ESRP2: variants seen among roughly 807,000 people sequenced by gnomAD.
ESRP2 encodes the protein RNA binding motif protein 35A.
In ESRP2, 48 loss-of-function variants were observed where a neutral mutation model predicts 78.6. The ratio of observed to expected loss-of-function variants is 0.61; its 90% CI spans 0.48 to 0.78. The LOEUF (loss-of-function observed/expected upper bound fraction) is 0.78. ESRP2 is among the 30% of genes least tolerant of loss of function. The probability of loss-of-function intolerance (pLI) is 0.00; values close to 1 mark genes in which losing one functional copy is unlikely to be tolerated. For synonymous variants in ESRP2, 383 were observed against 406.7 expected, an observed-to-expected ratio of 0.94 and a Z score of 0.70; for missense variants, 863 against 965.9, an observed-to-expected ratio of 0.89 and a Z score of 1.41.
In ESRP2 at chr16:68,230,202, G is replaced by A; in HGVS notation, c.*24C>T. On this transcript the variant is annotated 3_prime_UTR_variant, in exon 15 of 15. Coordinates refer to ENST00000473183, the MANE Select transcript of ESRP2 (RefSeq NM_024939.3). ...ACATGTTCGCCGAGGATATCAGCTG[G>A]CTCTTACCTCCTGGCTTTCTCTCCT... 6.2e-7 allele frequency: 1 copy of A among 1,607,054 alleles called. No individual in the cohort carries two copies. Among genetic ancestry groups the A allele is most frequent in the Non-Finnish European group, 8.5e-7 (1 of 1,173,544 alleles).
Position 68,231,858 on chromosome 16 carries a change from T to A in ESRP2, c.1243A>T (p.Met415Leu). Residue 415 changes from methionine to leucine, a missense_variant, in exon 10 of 15, where the codon ATG (methionine) becomes TTG (leucine). Transcript: ENST00000473183. The surrounding 1 kb of genome is among the most constrained non-coding windows in gnomAD (Gnocchi z 6.0). ...AGTTCAATGTATCGCTTACCCAGCATGCCCTTGTGCCTGCGCAGTGCAGCC... is the reference window on the plus strand; with the variant it reads ...AGTTCAATGTATCGCTTACCCAGCAAGCCCTTGTGCCTGCGCAGTGCAGCC... Reference protein sequence around the residue: ...AQAALRRHKGMLGKRYIELFR... With the variant: ...AQAALRRHKGLLGKRYIELFR... 2 of 1,613,948 alleles carry A rather than the reference T, an allele frequency of 1.2e-6. No individual in the cohort carries two copies. The highest frequency in any genetic ancestry group is 1.7e-6 in the Non-Finnish European group (2 of 1,179,952).
chr16:68,234,865 C>T (rs890659991), intron 2 of ESRP2: 9 of 153,764 alleles, frequency 5.9e-5, no homozygotes, highest in Non-Finnish European at 1.4e-5. Context: ...CCTTCTGGAA[C>T]AGACAAGGAA....
chr16:68,233,901 G>A lies in ESRP2; in HGVS notation c.442-19C>T, dbSNP rs1394614735. On this transcript the variant is annotated intron_variant, in intron 3 of 14. Transcript: ENST00000473183. ...CCAGGTTCTGGGGGCACATAGGATT[G>A]AGGATGAGCGCCCTGCCCACCCTCA... 2.5e-6 allele frequency: 4 copies of A among 1,606,232 alleles called. No individual in the cohort carries two copies. The highest frequency in any genetic ancestry group is 2.7e-5 in the African/African-American group (2 of 74,774).
Position 68,232,902 on chromosome 16 carries a change from GA to G in ESRP2, c.656-88del. 1 of 1,583,990 alleles carries G rather than the reference GA, an allele frequency of 6.3e-7. No homozygotes were observed. Among genetic ancestry groups the G allele is most frequent in the South Asian group, 1.1e-5 (1 of 90,500 alleles). Reference sequence around the variant, plus strand: ...CTGCAAAAAGTGGACAATTGAGAGAGATGAAGAAATGACAGGCCGAGCACAG... The same window carrying G: ...CTGCAAAAAGTGGACAATTGAGAGAGTGAAGAAATGACAGGCCGAGCACAG... On this transcript the variant is annotated intron_variant, in intron 5 of 14. Transcript: ENST00000473183. The surrounding 1 kb of genome is among the most constrained non-coding windows in gnomAD (Gnocchi z 5.2).
chr16:68,231,630 G>A lies in ESRP2; in HGVS notation c.1364C>T (p.Pro455Leu). 1 of 1,613,952 alleles carries A rather than the reference G, an allele frequency of 6.2e-7. No homozygotes were observed. The highest frequency in any genetic ancestry group is 8.5e-7 in the Non-Finnish European group (1 of 1,179,934). ...PTLTAPLLPI[P>L]FPLAPGTGRD... ...CCCAGTCCCAGGTGCCAGTGGGAAGGGGATGGGCAGCAGTGGGGCAGTCAG... is the reference window on the plus strand; with the variant it reads ...CCCAGTCCCAGGTGCCAGTGGGAAGAGGATGGGCAGCAGTGGGGCAGTCAG... The change falls in exon 11 of 15, where the codon CCC becomes CTC. Residue 455 changes from proline (P) to leucine (L), a missense_variant. By Grantham distance (98) the Pro-to-Leu change is moderately conservative. Transcript: ENST00000473183. This position sits in a 1 kb window ranked among gnomAD's most constrained non-coding sequence, Gnocchi z 6.0.
Position 68,229,055 on chromosome 16 carries a change from G to T in ESRP2, c.*1171C>A, listed in dbSNP as rs11043. On this transcript the variant is annotated 3_prime_UTR_variant, in exon 15 of 15. Coordinates refer to ENST00000473183, the MANE Select transcript of ESRP2 (RefSeq NM_024939.3). ...AGATGGGCTCAAATTGAAACCTTGT[G>T]TTTTATAAAATGGATGTTTAGTAAA... 35 of 152,176 alleles carry T rather than the reference G, an allele frequency of 2.3e-4. 2 individuals are homozygous for T. The highest frequency in any genetic ancestry group is 6.8e-3 in the Middle Eastern group (2 of 294). 9.4% of individuals were successfully genotyped at this position (152,176 alleles called of 1,614,324 possible).
rs748744010 is a variant in ESRP2 at position 68,232,584 on chromosome 16, C to T, written c.814G>A (p.Val272Met). 2.4e-5 allele frequency: 38 copies of T among 1,614,026 alleles called. No individual in the cohort carries two copies. Among genetic ancestry groups the T allele is most frequent in the Middle Eastern group, 1.6e-4 (1 of 6,084 alleles). ...DVARFFKGLN[V>M]ARGGVALCLN... is the part of the protein sequence containing the mutation. ...CCACCCTGCCACACCCACCTGGCCA[C>T]GTTGAGCCCTTTGAAGAAGCGAGCC... The change falls in exon 7 of 15, where the codon GTG (valine) becomes ATG (methionine). Residue 272 changes from valine (V) to methionine (M), a missense_variant. Coordinates refer to ENST00000473183, the MANE Select transcript of ESRP2 (RefSeq NM_024939.3). The surrounding 1 kb of genome is among the most constrained non-coding windows in gnomAD (Gnocchi z 5.2).
chr16:68,235,574 C>T lies in ESRP2; in HGVS notation c.327+60G>A. The T allele has an allele frequency of 6.3e-7, 1 of 1,586,660 alleles. No individual in the cohort carries two copies. Among genetic ancestry groups the T allele is most frequent in the Non-Finnish European group, 8.5e-7 (1 of 1,175,058 alleles). On this transcript the variant is annotated intron_variant, in intron 2 of 14. Coordinates refer to ENST00000473183, the MANE Select transcript of ESRP2 (RefSeq NM_024939.3). The surrounding 1 kb of genome is among the most constrained non-coding windows in gnomAD (Gnocchi z 5.5). ...CACGCCAGGCCTAGCCTCCGGCCGC[C>T]AATCCCGCCCAGAAATGTCCTCACG...
chr16:68,233,291 C>G, intron 5 of ESRP2, 36 bp downstream of exon 5: 1 of 1,466,242 alleles, frequency 6.8e-7, no homozygotes, highest in Non-Finnish European at 9.6e-7. Context: ...TTTGTCATCC[C>G]TGAGAACAGG....
At chr16:68,233,678 TG>T in intron 4 of ESRP2, 89 bp downstream of exon 4, 2 of 939,138 alleles carry the variant, frequency 2.1e-6, no homozygotes, top group South Asian at 2.8e-5. Flanking sequence ...GTCTTGTATG[TG>T]TCCATATTAC....
intron 5 of ESRP2, chr16:68,233,126 A>C: frequency 1.6e-6 from 1 of 610,596 alleles, no homozygotes; most frequent in Non-Finnish European, 2.9e-6. Context: ...TTGAACCCGG[A>C]AAGTGGAGGT....
Sources: allele counts gnomAD v4.1 joint callset, GRCh38; gene constraint gnomAD v4.1.1; non-coding constraint Gnocchi (gnomAD v3.1); transcripts MANE v1.5; gene names NCBI Gene and HGNC (gene_info 2026-07-23, HGNC 2026-07-21).